The following CSMD1 variants were observed in gnomAD, a reference collection of about 807,000 sequenced individuals.
CSMD1 encodes CUB and sushi domain-containing protein 1.
A neutral mutation model predicts 417.5 loss-of-function variants in CSMD1; 213 were observed. That is an observed-to-expected ratio of 0.51 (90% CI 0.46 to 0.57). The LOEUF is 0.57. Among genes scored for constraint, CSMD1 ranks in the 20% least tolerant of loss-of-function variants. CSMD1 has a pLI of 0.00. For missense variants in CSMD1, 6,923 were observed against 4,529.7 expected, an observed-to-expected ratio of 1.53 and a Z score of -15.17; for synonymous variants, 2,862 against 1,736.8, an observed-to-expected ratio of 1.65 and a Z score of -16.11.
At chr8:3,393,143 C>T (rs769528646) in intron 17 of CSMD1, among the ~76,000 whole-genome samples, 1 of 152,084 alleles carries the variant, frequency 6.6e-6, no homozygotes, top group African/African-American at 2.4e-5. Context: ...CTATTTCTCC[C>T]TTAAGTCAGA....
At chr8:4,242,661 T>G (rs1802469970) in intron 3 of CSMD1, among the ~76,000 whole-genome samples, 1 of 152,280 alleles carries the variant, frequency 6.6e-6, no homozygotes, top group Non-Finnish European at 1.5e-5. Context: ...ATTCCCTCCT[T>G]CCAGGTTCAC....
Position 4,289,403 on chromosome 8 carries a change from G to C in CSMD1, c.415+130550C>G, listed in dbSNP as rs1042066303. On this transcript the variant is annotated intron_variant, in intron 3 of 69. Transcript: ENST00000635120. Reference sequence around the variant, plus strand: ...ATCGATCAATTAGTTAAAGTAGAGGGAGCCAGGGCCTGTGTTTCTCCTATT... The same window carrying C: ...ATCGATCAATTAGTTAAAGTAGAGGCAGCCAGGGCCTGTGTTTCTCCTATT... 1.7e-4 allele frequency among the ~76,000 whole-genome samples: 3 copies of C among 17,504 alleles called. No homozygotes were observed. In the Non-Finnish European group the frequency reaches 2.9e-3, roughly 17 times the overall value. 11.5% of individuals were successfully genotyped at this position (17,504 alleles called of 152,430 possible). A position where few individuals can be genotyped will look rare whatever the true frequency, so the allele number is the denominator to read the frequency against.
intron 17 of CSMD1, 25 bp from the exon 18 acceptor site, chr8:3,387,707 C>A (rs761957090): frequency 2.6e-6 from 4 of 1,558,684 alleles, no homozygotes; most frequent in Non-Finnish European, 2.6e-6. Context: ...CGAATGCAGT[C>A]GATGAGGATC....
chr8:4,199,035 T>C (rs1412322040), intron 3 of CSMD1, among the ~76,000 whole-genome samples: 1 of 152,154 alleles, frequency 6.6e-6, no homozygotes, highest in Non-Finnish European at 1.5e-5. Context: ...CTATGTACAG[T>C]GAGCTCTCAT....
chr8:3,048,812 A>T (rs1201135548), intron 50 of CSMD1, among the ~76,000 whole-genome samples: 1 of 152,018 alleles, frequency 6.6e-6, no homozygotes, highest in African/African-American at 2.4e-5. Flanking sequence ...CAGACTAGGA[A>T]AAAAGGGTTT....
chr8:4,831,782 A>C (rs376337927), intron 1 of CSMD1, among the ~76,000 whole-genome samples: 1 of 152,190 alleles, frequency 6.6e-6, no homozygotes, highest in South Asian at 2.1e-4. Flanking sequence ...AGATGACTGC[A>C]GCAGGTCCCC....
At chr8:4,222,751 G>A (rs1585049366) in intron 3 of CSMD1, among the ~76,000 whole-genome samples, 1 of 152,146 alleles carries the variant, frequency 6.6e-6, no homozygotes, top group African/African-American at 2.4e-5. Flanking sequence ...TTTCTGCCCA[G>A]ATGGAGGTTA....
Position 4,958,287 on chromosome 8 carries a change from C to T in CSMD1, c.85+36045G>A, listed in dbSNP as rs541662731. ...GTTCAATGAAAGTGCACATATTTGACACATCAATTTTTTTTTAACTTTTAC... is the reference window on the plus strand; with the variant it reads ...GTTCAATGAAAGTGCACATATTTGATACATCAATTTTTTTTTAACTTTTAC... On this transcript the variant is annotated intron_variant, in intron 1 of 69. Coordinates refer to ENST00000635120, the MANE Select transcript of CSMD1 (RefSeq NM_033225.6). 2.5e-4 allele frequency among the ~76,000 whole-genome samples: 38 copies of T among 152,168 alleles called. 3 individuals carry two copies. In the South Asian group the frequency reaches 7.3e-3, roughly 29 times the overall value.
intron 10 of CSMD1, among the ~76,000 whole-genome samples, chr8:3,500,418 G>A (rs1392143): frequency 0.76 from 115,902 of 152,002 alleles, 44,483 homozygotes; most frequent in East Asian, 0.84. Context: ...AGAGGTTCAC[G>A]ACCAGACACA....
At chr8:4,357,550 GAAA>G (rs35981216) in intron 3 of CSMD1, among the ~76,000 whole-genome samples, 1 of 149,200 alleles carries the variant, frequency 6.7e-6, no homozygotes, top group African/African-American at 2.5e-5. Flanking sequence ...TGCACAGTTG[GAAA>G]AAAAAAATCT....
chr8:4,343,288 G>C (rs1480002999), intron 3 of CSMD1, among the ~76,000 whole-genome samples: 1 of 152,072 alleles, frequency 6.6e-6, no homozygotes, highest in East Asian at 1.9e-4. Flanking sequence ...TGAATATAGA[G>C]AGATATTGGC....
intron 10 of CSMD1, among the ~76,000 whole-genome samples, chr8:3,562,835 G>A (rs1391373996): frequency 1.3e-5 from 2 of 151,858 alleles, no homozygotes; most frequent in African/African-American, 4.8e-5. Flanking sequence ...CTTATTTACC[G>A]GGTGATGAAA....
At chr8:4,471,147 C>A (rs1161525799) in intron 2 of CSMD1, among the ~76,000 whole-genome samples, 2 of 152,040 alleles carry the variant, frequency 1.3e-5, no homozygotes, top group Non-Finnish European at 1.5e-5. Flanking sequence ...AGAACAGAAC[C>A]ATTATCACAT....
chr8:4,245,550 T>C (rs1265839861), intron 3 of CSMD1, among the ~76,000 whole-genome samples: 2 of 152,170 alleles, frequency 1.3e-5, no homozygotes, highest in Non-Finnish European at 2.9e-5. Context: ...ATGCTAAACA[T>C]GAGGTGTGTA....
intron 1 of CSMD1, among the ~76,000 whole-genome samples, chr8:4,716,649 G>T (rs890078432): frequency 1.3e-5 from 2 of 152,148 alleles, no homozygotes; most frequent in Admixed American, 6.5e-5. Flanking sequence ...GGCCTATTCA[G>T]CATTTAAGAA....
chr8:4,213,827 GAC>G (rs1357838384), intron 3 of CSMD1, among the ~76,000 whole-genome samples: 4 of 152,304 alleles, frequency 2.6e-5, no homozygotes, highest in East Asian at 3.9e-4. Flanking sequence ...TAAGAAAAGA[GAC>G]AGTTATTGAA....
intron 23 of CSMD1, among the ~76,000 whole-genome samples, chr8:3,327,165 G>C (rs2584221): frequency 0.61 from 91,612 of 150,752 alleles, 28,641 homozygotes; most frequent in African/African-American, 0.74. Context: ...TTTTTTGAAA[G>C]AGACTCTCTC....
intron 15 of CSMD1, among the ~76,000 whole-genome samples, chr8:3,404,032 T>A (rs1812197738): frequency 6.6e-6 from 1 of 152,138 alleles, no homozygotes; most frequent in South Asian, 2.1e-4. Flanking sequence ...ATGAAAAGGG[T>A]GAACATCAGA....
intron 3 of CSMD1, among the ~76,000 whole-genome samples, chr8:4,073,381 G>A (rs566820863): frequency 1.3e-5 from 2 of 152,084 alleles, no homozygotes; most frequent in African/African-American, 4.8e-5. Context: ...ACTTAATGAA[G>A]CTAAAAAAAG....
Sources: gnomAD v4.1 joint callset for allele counts (sites outside exome capture counted in the v4.1 genomes callset) on GRCh38, gnomAD v4.1.1 for gene constraint, MANE v1.5 for transcripts, NCBI Gene and HGNC (gene_info 2026-07-23, HGNC 2026-07-21) for gene names.